The following CDC73 variants were observed in gnomAD, a reference collection of about 807,000 sequenced individuals.
The protein encoded by CDC73 is parafibromin.
In CDC73, 21 loss-of-function variants were observed where a neutral mutation model predicts 83.7. That is an observed-to-expected ratio of 0.25 (90% CI 0.18 to 0.36). The LOEUF (loss-of-function observed/expected upper bound fraction) is 0.36, where lower values mean the gene tolerates loss of function less well. Ranked by LOEUF, CDC73 falls within the 10% of genes least tolerant of loss-of-function variation. The pLI, the probability that CDC73 is intolerant of heterozygous loss-of-function variation, is 1.00. For missense variants in CDC73, 342 were observed against 653.3 expected, an observed-to-expected ratio of 0.52 and a Z score of 5.19; for synonymous variants, 224 against 212.9, an observed-to-expected ratio of 1.05 and a Z score of -0.45.
chr1:193,247,921 G>A (rs901609169), intron 15 of CDC73, among the ~76,000 whole-genome samples: 6 of 152,058 alleles, frequency 3.9e-5, no homozygotes, highest in African/African-American at 1.4e-4. Context: ...AGGTGAAGCA[G>A]CAAGTGCTGA....
intron 10 of CDC73, among the ~76,000 whole-genome samples, chr1:193,172,084 C>T (rs1331209345): frequency 1.3e-5 from 2 of 152,050 alleles, no homozygotes; most frequent in Non-Finnish European, 2.9e-5. Flanking sequence ...GCCACCACAC[C>T]TGGCTAATAT....
intron 10 of CDC73, among the ~76,000 whole-genome samples, chr1:193,196,084 G>T (rs1676999032): frequency 6.6e-6 from 1 of 152,142 alleles, no homozygotes; most frequent in South Asian, 2.1e-4. Context: ...GTTTCATGAA[G>T]CTTTTCCTCT....
intron 13 of CDC73, among the ~76,000 whole-genome samples, chr1:193,231,334 G>T (rs771588828): frequency 1.3e-5 from 2 of 152,140 alleles, no homozygotes; most frequent in Non-Finnish European, 2.9e-5. Flanking sequence ...ATTTCTCTTG[G>T]CAGTAGAATC....
chr1:193,134,483 A>G (rs929699081), intron 3 of CDC73, among the ~76,000 whole-genome samples: 13 of 152,250 alleles, frequency 8.5e-5, no homozygotes, highest in African/African-American at 3.1e-4. Context: ...ATTCTGGCTA[A>G]CATGGTGAAA....
intron 16 of CDC73, 75 bp downstream of exon 16, chr1:193,249,946 T>C: frequency 2.1e-6 from 3 of 1,413,498 alleles, no homozygotes; most frequent in Middle Eastern, 1.8e-4. Context: ...TTAAGTTCCA[T>C]AGAGTTGTCA....
intron 15 of CDC73, among the ~76,000 whole-genome samples, chr1:193,238,098 T>C (rs1442289423): frequency 6.6e-6 from 1 of 152,222 alleles, no homozygotes; most frequent in Non-Finnish European, 1.5e-5. Flanking sequence ...TATAAAGTTT[T>C]AATTTTTGTT....
Position 193,253,436 on chromosome 1 carries a change from C to T in CDC73, c.*2724C>T, listed in dbSNP as rs1293482997. The T allele has an allele frequency of 4.3e-6, 1 of 232,220 alleles. No individual in the cohort carries two copies. Among genetic ancestry groups the T allele is most frequent in the Non-Finnish European group, 8.5e-6 (1 of 117,544 alleles). The allele number at this position is 232,220 out of a possible 1,614,324, so 14.4% of individuals were successfully genotyped here. ...TGTTGTTGTTGTTGTTTTGTGGCCA[C>T]CCTTTGCACTAGACCATCCCTTTTA... On this transcript the variant is annotated 3_prime_UTR_variant, in exon 17 of 17. Coordinates refer to ENST00000367435, the MANE Select transcript of CDC73 (RefSeq NM_024529.5).
At chr1:193,186,653 C>T (rs1049438744) in intron 10 of CDC73, 1 of 152,006 alleles carries the variant, frequency 6.6e-6, no homozygotes, top group African/African-American at 2.4e-5. Flanking sequence ...CAGAATTTAA[C>T]GTCACTGCTT....
At chr1:193,210,268 T>G (rs1254303019) in intron 11 of CDC73, among the ~76,000 whole-genome samples, 2 of 152,216 alleles carry the variant, frequency 1.3e-5, no homozygotes, top group East Asian at 1.9e-4. Context: ...AAAGAATTAG[T>G]GAAAATGTAG....
At chr1:193,170,427 A>G (rs753113278) in intron 10 of CDC73, among the ~76,000 whole-genome samples, 5 of 152,092 alleles carry the variant, frequency 3.3e-5, no homozygotes, top group Non-Finnish European at 5.9e-5. Context: ...GTGTAAGCCT[A>G]CCTTTTTCTA....
chr1:193,123,879 C>T (rs1675514509), intron 1 of CDC73, among the ~76,000 whole-genome samples: 1 of 152,204 alleles, frequency 6.6e-6, no homozygotes, highest in South Asian at 2.1e-4. Context: ...AGACAGCAGT[C>T]ACTTCTAGTT....
At chr1:193,223,382 A>G (rs1677506845) in intron 13 of CDC73, among the ~76,000 whole-genome samples, 1 of 152,204 alleles carries the variant, frequency 6.6e-6, no homozygotes, top group South Asian at 2.1e-4. Context: ...AGCATTACCA[A>G]TCTAGCATAA....
intron 11 of CDC73, among the ~76,000 whole-genome samples, chr1:193,210,902 A>C (rs1488622536): frequency 6.6e-6 from 1 of 152,202 alleles, no homozygotes; most frequent in Non-Finnish European, 1.5e-5. Flanking sequence ...AAATAAAAGG[A>C]ATCTTTTAGC....
At chr1:193,140,737 C>G (rs1675892183) in intron 6 of CDC73, among the ~76,000 whole-genome samples, 2 of 152,150 alleles carry the variant, frequency 1.3e-5, no homozygotes, top group South Asian at 4.1e-4. Context: ...CAGGACAGTA[C>G]AAGATTTCAG....
At chr1:193,220,157 CTTTTTTTTTT>C (rs776793164) in intron 13 of CDC73, among the ~76,000 whole-genome samples, 8 of 108,776 alleles carry the variant, frequency 7.4e-5, no homozygotes, top group South Asian at 3.1e-4. Context: ...ACAATGATAA[CTTTTTTTTTT>C]TTTTTTTTTT....
At chr1:193,212,176 G>C in intron 12 of CDC73, 76 bp downstream of exon 12, 1 of 1,212,664 alleles carries the variant, frequency 8.2e-7, no homozygotes, top group South Asian at 1.3e-5. Context: ...TAATTTTCTT[G>C]TGCAGCTGTA....
rs939856473 is a variant in CDC73 at position 193,253,338 on chromosome 1, T to C, written c.*2626T>C. 19 of 232,574 alleles carry C rather than the reference T, an allele frequency of 8.2e-5. No homozygotes were observed. Among genetic ancestry groups the C allele is most frequent in the East Asian group, 6.7e-4 (11 of 16,446 alleles). 14.4% of individuals were successfully genotyped at this position (232,574 alleles called of 1,614,324 possible). A position where few individuals can be genotyped will look rare whatever the true frequency, so the allele number is the denominator to read the frequency against. ...TCAGAATCACTGGTTTAATTTGTTATTGAAAACAGTACCAGTATTAAATGT... is the reference window on the plus strand; with the variant it reads ...TCAGAATCACTGGTTTAATTTGTTACTGAAAACAGTACCAGTATTAAATGT... On this transcript the variant is annotated 3_prime_UTR_variant, in exon 17 of 17. Coordinates refer to ENST00000367435, the MANE Select transcript of CDC73 (RefSeq NM_024529.5).
chr1:193,162,302 A>C (rs1676348257), intron 10 of CDC73, among the ~76,000 whole-genome samples: 1 of 127,960 alleles, frequency 7.8e-6, no homozygotes, highest in Non-Finnish European at 1.6e-5. Context: ...TATTATATAT[A>C]CTATATATTA....
At chr1:193,138,351 T>C (rs1453161637) in intron 6 of CDC73, among the ~76,000 whole-genome samples, 178 bp downstream of exon 6, 1 of 152,230 alleles carries the variant, frequency 6.6e-6, no homozygotes, top group Non-Finnish European at 1.5e-5. Context: ...TTTATCATGC[T>C]TTTTGAAAAG....
Sources: allele counts gnomAD v4.1 joint callset (sites outside exome capture counted in the v4.1 genomes callset), GRCh38; gene constraint gnomAD v4.1.1; transcripts MANE v1.5; gene names NCBI Gene and HGNC (gene_info 2026-07-23, HGNC 2026-07-21).